Variants in GRM7 observed in about 807,000 individuals in gnomAD.
GRM7 encodes metabotropic glutamate receptor 7.
Under a neutral mutation model 84.5 loss-of-function variants are expected in GRM7, and 35 were observed. The ratio of observed to expected loss-of-function variants is 0.41; its 90% confidence interval spans 0.32 to 0.55. The LOEUF is 0.55. Ranked by LOEUF, GRM7 falls within the 20% of genes least tolerant of loss-of-function variation. The pLI is 0.19. For missense variants in GRM7, 1,003 were observed against 1,194.6 expected, an observed-to-expected ratio of 0.84 and a Z score of 2.36; for synonymous variants, 487 against 455.1, an observed-to-expected ratio of 1.07 and a Z score of -0.89.
chr3:7,467,405 C>T (rs571776892), intron 7 of GRM7, among the ~76,000 whole-genome samples: 2 of 152,168 alleles, frequency 1.3e-5, no homozygotes, highest in South Asian at 2.1e-4. Flanking sequence ...TCCTTTTTAG[C>T]CATGTGGTTT....
At chr3:7,442,999 ATCT>A (rs577554752) in intron 5 of GRM7, among the ~76,000 whole-genome samples, 32 of 143,096 alleles carry the variant, frequency 2.2e-4, no homozygotes, top group Admixed American at 2.0e-3. Flanking sequence ...TATCATCTTG[ATCT>A]TCTTTTTTAT....
chr3:7,223,018 G>A (rs1256733891), intron 2 of GRM7, among the ~76,000 whole-genome samples: 4 of 151,880 alleles, frequency 2.6e-5, no homozygotes, highest in African/African-American at 7.3e-5. Flanking sequence ...AACTAATGTT[G>A]GAGGGAAAAT....
intron 7 of GRM7, among the ~76,000 whole-genome samples, chr3:7,481,347 C>G (rs1699121129): frequency 6.6e-6 from 1 of 152,146 alleles, no homozygotes; most frequent in African/African-American, 2.4e-5. Flanking sequence ...CCCGCCTCGG[C>G]CTCCCAAAGT....
chr3:7,623,102 T>G (rs1159856323), intron 8 of GRM7, among the ~76,000 whole-genome samples: 2 of 152,164 alleles, frequency 1.3e-5, no homozygotes, highest in African/African-American at 4.8e-5. Context: ...TCAGCCTAGC[T>G]AAGTTGACAT....
chr3:7,305,356 T>TG (rs1280010383), intron 3 of GRM7, among the ~76,000 whole-genome samples: 2 of 90,200 alleles, frequency 2.2e-5, no homozygotes, highest in African/African-American at 6.1e-5. Flanking sequence ...TTTTTTTTTT[T>TG]TTAATTATAC....
At chr3:7,410,021 AT>A (rs1173045774) in intron 4 of GRM7, among the ~76,000 whole-genome samples, 1 of 152,144 alleles carries the variant, frequency 6.6e-6, no homozygotes, top group Non-Finnish European at 1.5e-5. Context: ...AGAGAGATGC[AT>A]TTCTCAGTGG....
At chr3:7,599,160 T>C (rs1451235456) in intron 8 of GRM7, among the ~76,000 whole-genome samples, 1 of 152,186 alleles carries the variant, frequency 6.6e-6, no homozygotes, top group East Asian at 1.9e-4. Flanking sequence ...TAATGGGATA[T>C]ATGCAAATTA....
intron 2 of GRM7, among the ~76,000 whole-genome samples, chr3:7,206,913 A>T (rs958894344): frequency 6.6e-6 from 1 of 152,194 alleles, no homozygotes; most frequent in South Asian, 2.1e-4. Flanking sequence ...ATGTGGATGG[A>T]GTGTCAGAGA....
intron 1 of GRM7, among the ~76,000 whole-genome samples, chr3:6,938,625 G>A (rs576358602): frequency 2.0e-5 from 3 of 152,328 alleles, no homozygotes; most frequent in African/African-American, 7.2e-5. Flanking sequence ...TCTTAAGGCA[G>A]TGAAGAAAGG....
At chr3:6,879,665 C>A (rs144799173) in intron 1 of GRM7, among the ~76,000 whole-genome samples, 6 of 152,260 alleles carry the variant, frequency 3.9e-5, no homozygotes, top group Non-Finnish European at 5.9e-5. Context: ...TTACCTCAAG[C>A]AAATCTGATG....
At chr3:7,089,801 A>C (rs537054856) in intron 1 of GRM7, among the ~76,000 whole-genome samples, 2 of 152,302 alleles carry the variant, frequency 1.3e-5, no homozygotes, top group African/African-American at 4.8e-5. Flanking sequence ...GATAGCCCTG[A>C]CTAGAGTAAT....
intron 8 of GRM7, among the ~76,000 whole-genome samples, chr3:7,632,361 G>T (rs566598874): frequency 2.0e-5 from 3 of 152,278 alleles, no homozygotes; most frequent in African/African-American, 7.2e-5. Context: ...TTGCATGTTT[G>T]CATATGTACT....
chr3:7,731,280 C>T (rs1362001399), intron 9 of GRM7, among the ~76,000 whole-genome samples: 1 of 151,860 alleles, frequency 6.6e-6, no homozygotes, highest in Non-Finnish European at 1.5e-5. Flanking sequence ...ATACAGTAAC[C>T]CATAGGAGAA....
At chr3:7,056,534 C>G (rs1450005428) in intron 1 of GRM7, among the ~76,000 whole-genome samples, 1 of 152,002 alleles carries the variant, frequency 6.6e-6, no homozygotes, top group Non-Finnish European at 1.5e-5. Flanking sequence ...TATATATCAT[C>G]TTTGTTAAAT....
chr3:7,424,064 T>G (rs1165398717), intron 5 of GRM7, among the ~76,000 whole-genome samples: 1 of 152,142 alleles, frequency 6.6e-6, no homozygotes, highest in Non-Finnish European at 1.5e-5. Flanking sequence ...CCCAGCTGTT[T>G]CTGTTACTGT....
At chr3:7,417,569 G>A (rs888789024) in intron 5 of GRM7, among the ~76,000 whole-genome samples, 4 of 152,124 alleles carry the variant, frequency 2.6e-5, no homozygotes, top group Non-Finnish European at 5.9e-5. Context: ...TGTTAGAAAG[G>A]GCACCCAGAT....
At chr3:7,356,782 G>A (rs1259148002) in intron 4 of GRM7, among the ~76,000 whole-genome samples, 3 of 152,138 alleles carry the variant, frequency 2.0e-5, no homozygotes, top group East Asian at 3.9e-4. Flanking sequence ...CACACTAGAG[G>A]CTCTATTGTC....
chr3:7,275,340 T>C (rs1699013170), intron 2 of GRM7, among the ~76,000 whole-genome samples: 1 of 152,164 alleles, frequency 6.6e-6, no homozygotes, highest in Admixed American at 6.5e-5. Flanking sequence ...GTTTGTCTTA[T>C]AATTCTTTCT....
intron 2 of GRM7, among the ~76,000 whole-genome samples, chr3:7,247,986 T>C (rs547597183): frequency 6.6e-6 from 1 of 152,298 alleles, no homozygotes; most frequent in East Asian, 1.9e-4. Context: ...AATATTATTG[T>C]TGTTCACAGA....
Sources: gnomAD v4.1 joint callset for allele counts (sites outside exome capture counted in the v4.1 genomes callset) on GRCh38, gnomAD v4.1.1 for gene constraint, MANE v1.5 for transcripts, NCBI Gene and HGNC (gene_info 2026-07-23, HGNC 2026-07-21) for gene names.